The following BAZ2B variants were observed in gnomAD, a reference collection of about 807,000 sequenced individuals.
The protein encoded by BAZ2B is bromodomain adjacent to zinc finger domain protein 2B.
BAZ2B carries 91 observed loss-of-function variants against 246.0 expected under a neutral mutation model. The ratio of observed to expected loss-of-function variants is 0.37; its 90% CI spans 0.31 to 0.44. The LOEUF (loss-of-function observed/expected upper bound fraction) is 0.44, where lower values mean the gene tolerates loss of function less well. BAZ2B is among the 20% of genes least tolerant of loss of function. BAZ2B has a pLI of 1.00. For missense variants in BAZ2B, 2,332 were observed against 2,533.7 expected (o/e 0.92, Z 1.71); for synonymous variants, 855 against 860.0 (o/e 0.99, Z 0.10).
At chr2:159,491,007 A>G (rs2080392891) in intron 2 of BAZ2B, among the ~76,000 whole-genome samples, 2 of 152,170 alleles carry the variant, frequency 1.3e-5, no homozygotes, top group South Asian at 4.1e-4. Flanking sequence ...TTCAGAACCT[A>G]TTATAAAGAT....
At chr2:159,672,369 G>GA in the BAZ2B span, among the ~76,000 whole-genome samples, 1 of 152,106 alleles carries the variant, frequency 6.6e-6, no homozygotes, top group Non-Finnish European at 1.5e-5. Context: ...AAATCCAAGG[G>GA]ATCTCACCCA....
chr2:159,337,084 T>C lies in BAZ2B; in HGVS notation c.5661-7A>G. The C allele has an allele frequency of 2.5e-6, 4 of 1,604,746 alleles. No individual in the cohort carries two copies. Among genetic ancestry groups the C allele is most frequent in the South Asian group, 1.1e-5 (1 of 88,626 alleles). ...AGCAATATCCTCTTCAATTCTGCAT[T>C]GAAATATAGAAAAATTAAGTAGGTC... On this transcript the variant is annotated splice_region_variant and splice_polypyrimidine_tract_variant and intron_variant, in intron 32 of 36. Coordinates refer to ENST00000392783, the MANE Select transcript of BAZ2B (RefSeq NM_013450.4).
At chr2:159,655,386 G>A in the BAZ2B span, among the ~76,000 whole-genome samples, 47,539 of 152,010 alleles carry the variant, frequency 0.31, 9,374 homozygotes, top group Admixed American at 0.48. Context: ...CCATTGTATC[G>A]TCTTCTGGAG....
intron 22 of BAZ2B, 63 bp from the exon 23 acceptor site, chr2:159,385,432 G>A: frequency 1.4e-6 from 2 of 1,394,998 alleles, no homozygotes; most frequent in Admixed American, 1.8e-5. Context: ...AAAACAATAA[G>A]ATTAAAAATC....
At chr2:159,645,893 A>G in the BAZ2B span, among the ~76,000 whole-genome samples, 3 of 152,120 alleles carry the variant, frequency 2.0e-5, no homozygotes, top group Non-Finnish European at 4.4e-5. Flanking sequence ...TCACAAGGTA[A>G]TAGAATATCA....
At chr2:159,604,856 T>C (rs1264691849) in intron 1 of BAZ2B, among the ~76,000 whole-genome samples, 1 of 152,116 alleles carries the variant, frequency 6.6e-6, no homozygotes, top group Non-Finnish European at 1.5e-5. Flanking sequence ...ATAAAAAGTT[T>C]GGTGAGGAGG....
chr2:159,697,249 A>G, the BAZ2B span, among the ~76,000 whole-genome samples: 1 of 152,204 alleles, frequency 6.6e-6, no homozygotes, highest in Non-Finnish European at 1.5e-5. Context: ...TCAGGTTTTT[A>G]ATGGTCTGGG....
At chr2:159,470,384 T>C (rs2077630690) in intron 3 of BAZ2B, among the ~76,000 whole-genome samples, 2 of 152,234 alleles carry the variant, frequency 1.3e-5, no homozygotes, top group Non-Finnish European at 2.9e-5. Flanking sequence ...TCCTACAGCC[T>C]GGAGGTTACA....
the BAZ2B span, among the ~76,000 whole-genome samples, chr2:159,662,053 G>C: frequency 6.6e-6 from 1 of 152,084 alleles, no homozygotes; most frequent in Non-Finnish European, 1.5e-5. Flanking sequence ...TCTGTCTCTG[G>C]ATTTACCTAT....
chr2:159,511,534 G>C (rs1281391045), intron 2 of BAZ2B, among the ~76,000 whole-genome samples: 1 of 152,084 alleles, frequency 6.6e-6, no homozygotes, highest in Non-Finnish European at 1.5e-5. Flanking sequence ...TATAAAGGAT[G>C]TAACAGATTT....
chr2:159,560,300 C>A (rs900753295), intron 1 of BAZ2B, among the ~76,000 whole-genome samples: 20 of 152,150 alleles, frequency 1.3e-4, no homozygotes, highest in Admixed American at 9.2e-4. Flanking sequence ...TGTCTGTAAT[C>A]ATCACAAAAT....
At chr2:159,701,506 T>TA in the BAZ2B span, among the ~76,000 whole-genome samples, 1 of 151,516 alleles carries the variant, frequency 6.6e-6, no homozygotes, top group Non-Finnish European at 1.5e-5. Context: ...ATTCAAACTT[T>TA]AAAAAAATTC....
rs2071449346 is a variant in BAZ2B, at chr2:159,433,096, C to T, written c.1561G>A (p.Glu521Lys). ...TKTKMQSKIN[E>K]NIAAASSTPF... The stretch of plus-strand genomic sequence containing the variant: ...GTGCTACTTGCAGCAGCAATGTTTT[C>T]ATTAATCTTGCTCTGCATTTTAGTT... The change falls in exon 9 of 37, where the codon GAA becomes AAA. Residue 521 changes from glutamate (E) to lysine (K), a missense_variant. By Grantham distance (56) the Glu-to-Lys change is moderately conservative (BLOSUM62 1). Transcript: ENST00000392783. 6.2e-7 allele frequency: 1 copy of T among 1,614,092 alleles called. No individual in the cohort carries two copies. The highest frequency in any genetic ancestry group is 8.5e-7 in the Non-Finnish European group (1 of 1,180,040).
chr2:159,397,779 A>G (rs2064262064), intron 18 of BAZ2B, among the ~76,000 whole-genome samples: 1 of 152,214 alleles, frequency 6.6e-6, no homozygotes. Flanking sequence ...ATTATGGTGC[A>G]ACCCTCAAAT....
intron 3 of BAZ2B, among the ~76,000 whole-genome samples, chr2:159,474,890 C>G (rs76953689): frequency 6.6e-6 from 1 of 152,192 alleles, no homozygotes; most frequent in African/African-American, 2.4e-5. Flanking sequence ...GGCCCCCACT[C>G]TCTTCTGGCT....
Position 159,349,804 on chromosome 2 carries a change from C to T in BAZ2B, c.4767G>A (p.Gln1589=), listed in dbSNP as rs2058364624. ...TAGGTGAAGGTGACTTAGATGGTGGCTGAGACTGAGGAGTCACCAAAGAAG... is the reference window on the plus strand; with the variant it reads ...TAGGTGAAGGTGACTTAGATGGTGGTTGAGACTGAGGAGTCACCAAAGAAG... The part of the protein sequence containing the change: ...STASLVTPQS[Q]PPSKSPSPTP... The change falls in exon 28 of 37, where the codon CAG becomes CAA. Residue 1589 remains glutamine (Q), a synonymous_variant. Transcript: ENST00000392783. 1.2e-6 allele frequency: 2 copies of T among 1,614,014 alleles called. No homozygotes were observed. The highest frequency in any genetic ancestry group is 4.5e-5 in the East Asian group (2 of 44,892).
chr2:159,492,845 T>C (rs1335065834), intron 2 of BAZ2B, among the ~76,000 whole-genome samples: 1 of 152,206 alleles, frequency 6.6e-6, no homozygotes, highest in Non-Finnish European at 1.5e-5. Flanking sequence ...AACTCAGAAT[T>C]ATAGTATTTT....
intron 1 of BAZ2B, among the ~76,000 whole-genome samples, chr2:159,604,541 CAT>C (rs1189503819): frequency 6.6e-6 from 1 of 152,088 alleles, no homozygotes; most frequent in African/African-American, 2.4e-5. Flanking sequence ...ATCAAAGAAG[CAT>C]AGTTTGAATA....
intron 20 of BAZ2B, among the ~76,000 whole-genome samples, chr2:159,391,248 G>A (rs12692549): frequency 0.32 from 48,419 of 152,038 alleles, 8,055 homozygotes; most frequent in South Asian, 0.46. Flanking sequence ...TCTATGCCAC[G>A]TGATGTTTGT....
Sources: gnomAD v4.1 joint callset for allele counts (sites outside exome capture counted in the v4.1 genomes callset) on GRCh38, gnomAD v4.1.1 for gene constraint, MANE v1.5 for transcripts, NCBI Gene and HGNC (gene_info 2026-07-23, HGNC 2026-07-21) for gene names.